ITPR2: variants seen among roughly 807,000 people sequenced by gnomAD.
The protein encoded by ITPR2 is inositol 1,4,5-trisphosphate-gated calcium channel ITPR2.
ITPR2 carries 207 observed loss-of-function variants against 317.1 expected under a neutral mutation model. The observed-to-expected ratio is 0.65, with a 90% confidence interval of 0.58 to 0.73. The LOEUF (loss-of-function observed/expected upper bound fraction) is 0.73, where lower values mean the gene tolerates loss of function less well. Among genes scored for constraint, ITPR2 ranks in the 30% least tolerant of loss-of-function variants. The pLI, the probability that ITPR2 is intolerant of heterozygous loss-of-function variation, is 0.00. For missense variants in ITPR2, 2,613 were observed against 3,284.0 expected (o/e 0.80, Z 4.99); for synonymous variants, 1,156 against 1,149.1 (o/e 1.01, Z -0.12).
intron 9 of ITPR2, among the ~76,000 whole-genome samples, chr12:26,697,671 T>A (rs11838045): frequency 0.017 from 2,593 of 152,196 alleles, 80 homozygotes; most frequent in African/African-American, 0.059. Context: ...TAGCTGGGCA[T>A]GGTGGCACGC....
At position 26,596,873 on chromosome 12, in the gene ITPR2, C is replaced by G. The variant is rs1945859250; in HGVS notation, c.4254+10G>C. ...TTCTATTAGAGCTGCTAAGCTTTTGCCAGGCTTACCTCAGGGATGCAGTCG... is the reference window on the plus strand; with the variant it reads ...TTCTATTAGAGCTGCTAAGCTTTTGGCAGGCTTACCTCAGGGATGCAGTCG... On this transcript the variant is annotated intron_variant, in intron 31 of 56. Transcript: ENST00000381340. 2.0e-6 allele frequency: 3 copies of G among 1,514,786 alleles called. No homozygotes were observed. Among genetic ancestry groups the G allele is most frequent in the Non-Finnish European group, 2.6e-6 (3 of 1,132,658 alleles). The allele number at this position is 1,514,786 out of a possible 1,614,324, so 93.8% of individuals were successfully genotyped here.
intron 4 of ITPR2, among the ~76,000 whole-genome samples, chr12:26,723,577 T>A (rs899278039): frequency 2.0e-5 from 3 of 152,214 alleles, no homozygotes; most frequent in Non-Finnish European, 4.4e-5. Context: ...ACATTATCCA[T>A]CATTCGATTA....
chr12:26,789,105 C>T (rs1950302993), intron 2 of ITPR2, among the ~76,000 whole-genome samples: 2 of 152,166 alleles, frequency 1.3e-5, no homozygotes, highest in Non-Finnish European at 2.9e-5. Context: ...CATGTGTTTC[C>T]AATGGGTAGT....
chr12:26,660,579 G>T (rs1947474813), intron 15 of ITPR2, among the ~76,000 whole-genome samples: 1 of 152,242 alleles, frequency 6.6e-6, no homozygotes, highest in African/African-American at 2.4e-5. Context: ...CCTTGAAAAT[G>T]ATATTGGTTG....
intron 37 of ITPR2, among the ~76,000 whole-genome samples, chr12:26,525,777 C>G (rs748557645): frequency 3.3e-5 from 5 of 152,162 alleles, no homozygotes; most frequent in Non-Finnish European, 7.4e-5. Flanking sequence ...GGTATTTAAT[C>G]TCTTCTCTCT....
At chr12:26,660,695 T>C (rs1427823306) in intron 15 of ITPR2, among the ~76,000 whole-genome samples, 1 of 152,198 alleles carries the variant, frequency 6.6e-6, no homozygotes, top group Non-Finnish European at 1.5e-5. Context: ...TGTTATTATA[T>C]CATTTTAAGG....
chr12:26,514,564 G>A (rs1480981065), intron 37 of ITPR2, among the ~76,000 whole-genome samples: 1 of 152,132 alleles, frequency 6.6e-6, no homozygotes, highest in Non-Finnish European at 1.5e-5. Flanking sequence ...ATAGTACATT[G>A]AGCCATCTTG....
chr12:26,665,969 T>G lies in ITPR2; in HGVS notation c.1492A>C (p.Ile498Leu). 1 of 1,613,972 alleles carries G rather than the reference T, an allele frequency of 6.2e-7. No individual in the cohort carries two copies. Among genetic ancestry groups the G allele is most frequent in the Non-Finnish European group, 8.5e-7 (1 of 1,179,850 alleles). The change falls in exon 14 of 57, where the codon ATC becomes CTC. Residue 498 changes from isoleucine to leucine, a missense_variant. Around this residue, in one of 9 missense-constraint regions of ITPR2, gnomAD observed 515 missense variants for 789.4 expected, o/e 0.65. Coordinates refer to ENST00000381340, the MANE Select transcript of ITPR2 (RefSeq NM_002223.4). The stretch of plus-strand genomic sequence containing the variant: ...TGACGCTCTCGGTTTGGCTTAGTGA[T>G]AACCACATCCAGAACTTCTTGTCCA... ...NNGQEVLDVV[I>L]TKPNRERQKL...
At chr12:26,797,307 T>C (rs1478847108) in intron 1 of ITPR2, among the ~76,000 whole-genome samples, 4 of 152,208 alleles carry the variant, frequency 2.6e-5, no homozygotes, top group Admixed American at 2.0e-4. Flanking sequence ...GATTTTTAAA[T>C]AGATTTCTAA....
chr12:26,495,445 C>T (rs1942910857), intron 37 of ITPR2, 185 bp from the exon 38 acceptor site: 5 of 522,068 alleles, frequency 9.6e-6, no homozygotes, highest in Admixed American at 3.5e-5. Flanking sequence ...AATCATTTTG[C>T]TTCTCATAAT....
intron 55 of ITPR2, among the ~76,000 whole-genome samples, chr12:26,378,535 G>T (rs1013498284): frequency 6.6e-5 from 10 of 152,160 alleles, no homozygotes; most frequent in African/African-American, 2.2e-4. Flanking sequence ...TTTAAGCAGG[G>T]GTGCAGTGGT....
intron 26 of ITPR2, among the ~76,000 whole-genome samples, chr12:26,614,738 A>C (rs1946337798): frequency 6.6e-6 from 1 of 152,220 alleles, no homozygotes; most frequent in Non-Finnish European, 1.5e-5. Flanking sequence ...ATTATATGAA[A>C]TTCTGGAGAA....
intron 37 of ITPR2, among the ~76,000 whole-genome samples, chr12:26,516,170 A>AGAGGG (rs548789019): frequency 0.12 from 10,651 of 90,004 alleles, 1,563 homozygotes; most frequent in Non-Finnish European, 0.18. Flanking sequence ...AGGGGAGAGG[A>AGAGGG]GAGGGGAGGG....
At chr12:26,463,778 C>G (rs7958903) in intron 45 of ITPR2, among the ~76,000 whole-genome samples, 1 of 151,908 alleles carries the variant, frequency 6.6e-6, no homozygotes, top group Non-Finnish European at 1.5e-5. Flanking sequence ...AATATTTATA[C>G]GTAATTAGTC....
chr12:26,616,978 A>G (rs1946387052), intron 26 of ITPR2, among the ~76,000 whole-genome samples: 1 of 152,210 alleles, frequency 6.6e-6, no homozygotes, highest in African/African-American at 2.4e-5. Flanking sequence ...GTAAAAATAC[A>G]CTACATAATT....
intron 55 of ITPR2, among the ~76,000 whole-genome samples, chr12:26,384,738 A>G (rs1245755927): frequency 6.6e-6 from 1 of 152,204 alleles, no homozygotes. Flanking sequence ...GCCTCTTTGC[A>G]GCAATTGATG....
Position 26,597,512 on chromosome 12 carries a change from G to A in ITPR2, c.4003-378C>T, listed in dbSNP as rs1945877422. On this transcript the variant is annotated intron_variant, in intron 30 of 56. Transcript: ENST00000381340. ...AATCTCATAATTTTACTAAAGCAGAGTAAAATATCCTCATCCATTGCAATA... is the reference window on the plus strand; with the variant it reads ...AATCTCATAATTTTACTAAAGCAGAATAAAATATCCTCATCCATTGCAATA... Among the ~76,000 whole-genome samples, 3 of 152,232 alleles carry A rather than the reference G, an allele frequency of 2.0e-5. No individual in the cohort carries two copies. In the South Asian group the frequency reaches 6.2e-4, roughly 32 times the overall value.
intron 54 of ITPR2, among the ~76,000 whole-genome samples, chr12:26,394,895 A>G (rs905876799): frequency 2.0e-4 from 30 of 152,200 alleles, no homozygotes; most frequent in Non-Finnish European, 3.2e-4. Context: ...GATGCTAAAC[A>G]TGATGGTGTG....
chr12:26,757,252 G>A (rs560634373), intron 2 of ITPR2, among the ~76,000 whole-genome samples: 104 of 145,830 alleles, frequency 7.1e-4, no homozygotes, highest in African/African-American at 2.6e-3. Flanking sequence ...GTCTCACTCT[G>A]TCACCTAGGC....
Sources: gnomAD v4.1 joint callset for allele counts (sites outside exome capture counted in the v4.1 genomes callset) on GRCh38, gnomAD v4.1.1 for gene constraint, gnomAD v4.1.1 regional missense constraint, MANE v1.5 for transcripts, NCBI Gene and HGNC (gene_info 2026-07-23, HGNC 2026-07-21) for gene names.